Variants in RBMS1 observed in about 807,000 individuals in gnomAD.
RBMS1 encodes the protein RNA binding motif single stranded interacting protein 1, also known as RNA-binding motif, single-stranded-interacting protein 1.
Under a neutral mutation model 62.3 loss-of-function variants are expected in RBMS1, and 17 were observed. The observed-to-expected ratio is 0.27, with a 90% CI of 0.19 to 0.41. The LOEUF is 0.41. Ranked by LOEUF, RBMS1 falls within the 10% of genes least tolerant of loss-of-function variation. The pLI is 1.00. For missense variants in RBMS1, 334 were observed against 504.5 expected (o/e 0.66, Z 3.24); for synonymous variants, 172 against 170.0 (o/e 1.01, Z -0.09).
At chr2:160,336,508 A>T (rs1691579368) in intron 2 of RBMS1, among the ~76,000 whole-genome samples, 1 of 152,130 alleles carries the variant, frequency 6.6e-6, no homozygotes, top group African/African-American at 2.4e-5. Flanking sequence ...AAATACCTAG[A>T]TCAGTGCTGT....
intron 1 of RBMS1, among the ~76,000 whole-genome samples, chr2:160,484,256 G>T (rs1359829603): frequency 4.6e-5 from 7 of 152,022 alleles, no homozygotes; most frequent in Admixed American, 4.6e-4. Context: ...AGCACTTTGG[G>T]AGGCCGAGGC....
intron 1 of RBMS1, among the ~76,000 whole-genome samples, chr2:160,428,851 T>C (rs1481112998): frequency 1.3e-5 from 2 of 152,212 alleles, no homozygotes; most frequent in Non-Finnish European, 2.9e-5. Context: ...TTCCCGCCCT[T>C]TGACATTGTG....
rs1032960043 is a variant in RBMS1 at position 160,304,554 on chromosome 2, T to C, written c.403-1067A>G. Among the ~76,000 whole-genome samples the C allele has an allele frequency of 2.6e-5, 4 of 152,226 alleles. No homozygotes were observed. In the South Asian group the frequency reaches 8.3e-4, roughly 31 times the overall value. ...CGGATGGCATATACGATGGTGGTCC[T>C]GTAATAGAGATGAAAACTTCCTATC... On this transcript the variant is annotated intron_variant, in intron 4 of 13. Transcript: ENST00000348849.
At chr2:160,327,456 T>C (rs1198169127) in intron 2 of RBMS1, among the ~76,000 whole-genome samples, 1 of 152,148 alleles carries the variant, frequency 6.6e-6, no homozygotes, top group Non-Finnish European at 1.5e-5. Context: ...CTATGAAAAA[T>C]GTATAACCTC....
intron 2 of RBMS1, among the ~76,000 whole-genome samples, chr2:160,359,112 C>T (rs867750456): frequency 2.0e-5 from 3 of 152,122 alleles, no homozygotes; most frequent in African/African-American, 4.8e-5. Context: ...TCACCATCAC[C>T]AGCAGTAAGA....
chr2:160,323,609 AAAG>A (rs762788981), intron 2 of RBMS1, among the ~76,000 whole-genome samples: 2,584 of 82,824 alleles, frequency 0.031, 87 homozygotes, highest in East Asian at 0.27. Flanking sequence ...GAATTTCATG[AAAG>A]AAAAAAAAAA....
chr2:160,334,226 C>T (rs937135217), intron 2 of RBMS1, among the ~76,000 whole-genome samples: 1 of 152,098 alleles, frequency 6.6e-6, no homozygotes, highest in Non-Finnish European at 1.5e-5. Flanking sequence ...ATTTTAGGTG[C>T]TCAACAAAAT....
chr2:160,306,628 A>G (rs1689541685), intron 4 of RBMS1, among the ~76,000 whole-genome samples: 1 of 152,046 alleles, frequency 6.6e-6, no homozygotes, highest in Non-Finnish European at 1.5e-5. Flanking sequence ...TTAAAAAAAA[A>G]AAAGAATGGA....
intron 7 of RBMS1, 104 bp from the exon 8 acceptor site, chr2:160,285,148 TG>T: frequency 8.9e-7 from 1 of 1,118,638 alleles, no homozygotes; most frequent in Non-Finnish European, 1.3e-6. Context: ...TCCCAGCTGC[TG>T]GGGAGGCTGA....
At chr2:160,437,838 T>C (rs935040208) in intron 1 of RBMS1, among the ~76,000 whole-genome samples, 2 of 152,186 alleles carry the variant, frequency 1.3e-5, no homozygotes, top group African/African-American at 4.8e-5. Flanking sequence ...TTTTCTAAAG[T>C]CAAGTTCCAA....
In RBMS1 at chr2:160,295,782, T is replaced by C. The variant is rs182177754; in HGVS notation, c.640+4869A>G. Among the ~76,000 whole-genome samples the C allele has an allele frequency of 1.1e-4, 16 of 152,352 alleles. No homozygotes were observed. In the East Asian group the frequency reaches 1.7e-3, roughly 16 times the overall value. On this transcript the variant is annotated intron_variant, in intron 6 of 13. Transcript: ENST00000348849. ...TGTGACACCCTGAGATCTACTGTAT[T>C]CAAGGAACTGAAGAGCTTTTGTTGT... is the stretch of plus-strand genomic sequence containing the variant.
At chr2:160,467,853 A>T (rs1684756672) in intron 1 of RBMS1, among the ~76,000 whole-genome samples, 1 of 152,216 alleles carries the variant, frequency 6.6e-6, no homozygotes, top group South Asian at 2.1e-4. Flanking sequence ...TGAAAGAAAC[A>T]GCAAGTAGAC....
At chr2:160,410,970 T>C (rs894602289) in intron 1 of RBMS1, among the ~76,000 whole-genome samples, 6 of 152,146 alleles carry the variant, frequency 3.9e-5, no homozygotes, top group Non-Finnish European at 1.5e-5. Flanking sequence ...TCTCGATCTC[T>C]TGACCTCGTG....
At chr2:160,282,228 T>A in intron 9 of RBMS1, 1 of 1,365,824 alleles carries the variant, frequency 7.3e-7, no homozygotes, top group Non-Finnish European at 9.8e-7. Flanking sequence ...TGGGGAAGAG[T>A]CATGGGGGAA....
chr2:160,385,430 C>A (rs1248907958), intron 1 of RBMS1, among the ~76,000 whole-genome samples: 2 of 152,046 alleles, frequency 1.3e-5, no homozygotes, highest in Non-Finnish European at 1.5e-5. Flanking sequence ...ACAACAAAAA[C>A]CCCTAGGTTC....
At chr2:160,407,394 C>T (rs1434953197) in intron 1 of RBMS1, 277 of 985,650 alleles carry the variant, frequency 2.8e-4, no homozygotes, top group Non-Finnish European at 3.3e-4. Flanking sequence ...GGCGCGGAGC[C>T]CCTGAGCGCG....
intron 1 of RBMS1, among the ~76,000 whole-genome samples, chr2:160,446,258 C>CA (rs2105310361): frequency 6.6e-6 from 1 of 152,306 alleles, no homozygotes; most frequent in East Asian, 1.9e-4. Context: ...CTGTCTATGA[C>CA]AGTCCCTCCA....
intron 1 of RBMS1, among the ~76,000 whole-genome samples, chr2:160,421,253 C>A (rs1387060154): frequency 2.0e-5 from 3 of 151,896 alleles, no homozygotes; most frequent in African/African-American, 7.3e-5. Context: ...CCATTAACTC[C>A]TCATTTAACA....
intron 3 of RBMS1, among the ~76,000 whole-genome samples, chr2:160,313,968 C>G (rs1690073226): frequency 6.6e-6 from 1 of 152,132 alleles, no homozygotes; most frequent in Non-Finnish European, 1.5e-5. Context: ...TTTCCTTATC[C>G]ATAGCTTTAC....
Sources: gnomAD v4.1 joint callset for allele counts (sites outside exome capture counted in the v4.1 genomes callset) on GRCh38, gnomAD v4.1.1 for gene constraint, MANE v1.5 for transcripts, NCBI Gene and HGNC (gene_info 2026-07-23, HGNC 2026-07-21) for gene names.